CRACD: variants seen among roughly 807,000 people sequenced by gnomAD.
The protein encoded by CRACD is capping protein inhibiting regulator of actin dynamics.
In CRACD, 56 loss-of-function variants were observed where a neutral mutation model predicts 106.8. That is an observed-to-expected ratio of 0.52 (90% CI 0.42 to 0.66). The LOEUF (loss-of-function observed/expected upper bound fraction) is 0.66, where lower values mean the gene tolerates loss of function less well. Among genes scored for constraint, CRACD ranks in the 30% least tolerant of loss-of-function variants. The pLI is 0.00. For synonymous variants in CRACD, 754 were observed against 670.8 expected (o/e 1.12, Z -1.92); for missense variants, 1,730 against 1,623.2 (o/e 1.07, Z -1.13).
At chr4:56,274,075 G>T (rs580539) in intron 3 of CRACD, among the ~76,000 whole-genome samples, 1 of 151,986 alleles carries the variant, frequency 6.6e-6, no homozygotes, top group East Asian at 1.9e-4. Context: ...TTTATTTTCT[G>T]TTGTCTTTAC....
intron 2 of CRACD, among the ~76,000 whole-genome samples, chr4:56,242,283 G>A (rs1023070228): frequency 3.9e-5 from 6 of 152,034 alleles, no homozygotes; most frequent in Non-Finnish European, 8.8e-5. Context: ...CAGGATGAAC[G>A]GAAAAATAAA....
intron 1 of CRACD, among the ~76,000 whole-genome samples, chr4:56,147,162 G>T (rs549245524): frequency 6.6e-6 from 1 of 152,202 alleles, no homozygotes; most frequent in African/African-American, 2.4e-5. Flanking sequence ...TGCCTGGTTT[G>T]TTTCAAAATT....
intron 1 of CRACD, among the ~76,000 whole-genome samples, chr4:56,082,968 C>G (rs1733085940): frequency 6.6e-6 from 1 of 151,982 alleles, no homozygotes; most frequent in African/African-American, 2.4e-5. Flanking sequence ...GAAAGATACA[C>G]AGATAAAGAG....
intron 1 of CRACD, among the ~76,000 whole-genome samples, chr4:56,124,303 A>G (rs1268778587): frequency 6.6e-6 from 1 of 152,038 alleles, no homozygotes; most frequent in Non-Finnish European, 1.5e-5. Flanking sequence ...AGTATAATAA[A>G]CCCTTGTGAA....
In CRACD at chr4:56,118,050, C is replaced by T. The variant is rs563846678; in HGVS notation, c.-335-61234C>T. Among the ~76,000 whole-genome samples, 89 of 152,326 alleles carry T rather than the reference C, an allele frequency of 5.8e-4. 1 individual carries two copies. Among genetic ancestry groups the T allele is most frequent in the Middle Eastern group, 6.8e-3 (2 of 294 alleles). On this transcript the variant is annotated intron_variant, in intron 1 of 10. Coordinates refer to ENST00000682029, the MANE Select transcript of CRACD (RefSeq NM_001393381.1). ...CTGGGATTACAGGCATGAGCCACTG[C>T]GCCCGGCTGCTTTATGAATATTAAA...
At chr4:56,210,484 T>G (rs940270957) in intron 2 of CRACD, among the ~76,000 whole-genome samples, 1 of 152,246 alleles carries the variant, frequency 6.6e-6, no homozygotes, top group Non-Finnish European at 1.5e-5. Flanking sequence ...AATCTCTTGA[T>G]TACCTCTTTT....
At chr4:56,167,224 T>C (rs1736189415) in intron 1 of CRACD, among the ~76,000 whole-genome samples, 1 of 152,268 alleles carries the variant, frequency 6.6e-6, no homozygotes, top group Non-Finnish European at 1.5e-5. Context: ...AGCTGTGTTA[T>C]ATCTGTAGAA....
intron 2 of CRACD, among the ~76,000 whole-genome samples, chr4:56,200,757 C>T (rs986670417): frequency 1.3e-5 from 2 of 152,042 alleles, no homozygotes; most frequent in Admixed American, 6.6e-5. Flanking sequence ...GTAGAAAGTT[C>T]GCCTAAACCC....
intron 1 of CRACD, among the ~76,000 whole-genome samples, chr4:56,169,674 T>C (rs1313908866): frequency 1.3e-5 from 2 of 152,148 alleles, no homozygotes; most frequent in Admixed American, 1.3e-4. Context: ...TTTTTGTATT[T>C]TTTTGTAGAG....
chr4:56,154,294 C>CT (rs398107332), intron 1 of CRACD, among the ~76,000 whole-genome samples: 19 of 151,748 alleles, frequency 1.3e-4, no homozygotes, highest in East Asian at 1.9e-4. Flanking sequence ...TGGCGAAACC[C>CT]GTGTCTACCA....
At chr4:56,164,853 G>A (rs570298786) in intron 1 of CRACD, among the ~76,000 whole-genome samples, 1 of 152,134 alleles carries the variant, frequency 6.6e-6, no homozygotes, top group Non-Finnish European at 1.5e-5. Context: ...ATGGAGAATC[G>A]ACCTAAAAGG....
chr4:56,309,158 GC>G, intron 5 of CRACD: 1 of 381,266 alleles, frequency 2.6e-6, no homozygotes, highest in Non-Finnish European at 5.2e-6. Flanking sequence ...GAGGAGTGTA[GC>G]AGGACCCTAG....
chr4:56,088,200 A>C (rs1021998049), intron 1 of CRACD, among the ~76,000 whole-genome samples: 1 of 149,106 alleles, frequency 6.7e-6, no homozygotes, highest in Non-Finnish European at 1.5e-5. Context: ...GGTTTGTCAC[A>C]TGGGTAAATT....
chr4:56,310,451 C>A (rs755958384), intron 5 of CRACD, among the ~76,000 whole-genome samples: 4 of 152,138 alleles, frequency 2.6e-5, no homozygotes, highest in Admixed American at 6.5e-5. Flanking sequence ...ACATTGAACT[C>A]GGGGAGAGGC....
chr4:56,290,831 G>A (rs559617983), intron 3 of CRACD, among the ~76,000 whole-genome samples: 48 of 152,234 alleles, frequency 3.2e-4, no homozygotes, highest in African/African-American at 1.1e-3. Context: ...CATTTTTCTG[G>A]CCTCTGTAAG....
chr4:56,319,031 T>C (rs1244860074), intron 8 of CRACD, among the ~76,000 whole-genome samples: 1 of 152,218 alleles, frequency 6.6e-6, no homozygotes, highest in Non-Finnish European at 1.5e-5. Flanking sequence ...ACTCGTATTA[T>C]TAGTAGTATA....
intron 2 of CRACD, among the ~76,000 whole-genome samples, chr4:56,219,037 G>A (rs1738891557): frequency 6.6e-6 from 1 of 152,088 alleles, no homozygotes; most frequent in Admixed American, 6.5e-5. Context: ...TATAATGGGG[G>A]ACCTCAGAAC....
intron 1 of CRACD, among the ~76,000 whole-genome samples, chr4:56,133,561 G>A (rs1041050341): frequency 3.9e-5 from 6 of 152,182 alleles, no homozygotes; most frequent in African/African-American, 1.4e-4. Flanking sequence ...TTTATTCTGT[G>A]TCAAGCCCCA....
chr4:56,114,729 A>G (rs1734223059), intron 1 of CRACD, among the ~76,000 whole-genome samples: 1 of 152,218 alleles, frequency 6.6e-6, no homozygotes, highest in African/African-American at 2.4e-5. Flanking sequence ...AGAGTATATC[A>G]GAGTGCATCT....
Sources: gnomAD v4.1 joint callset for allele counts (sites outside exome capture counted in the v4.1 genomes callset) on GRCh38, gnomAD v4.1.1 for gene constraint, MANE v1.5 for transcripts, NCBI Gene and HGNC (gene_info 2026-07-23, HGNC 2026-07-21) for gene names.